The following FEZ1 variants were observed in gnomAD, a reference collection of about 807,000 sequenced individuals.
The protein encoded by FEZ1 is fasciculation and elongation protein zeta-1.
FEZ1 carries 20 observed loss-of-function variants against 49.3 expected under a neutral mutation model. The ratio of observed to expected loss-of-function variants is 0.41; its 90% CI spans 0.29 to 0.59. FEZ1 has a LOEUF of 0.59. Ranked by LOEUF, FEZ1 falls within the 20% of genes least tolerant of loss-of-function variation. The pLI is 0.36. For missense variants in FEZ1, 413 were observed against 476.0 expected (o/e 0.87, Z 1.23); for synonymous variants, 170 against 180.9 (o/e 0.94, Z 0.48).
rs1159347656 is a variant in FEZ1, at chr11:125,487,986, C to A, written c.311+1481G>T. 3.3e-5 allele frequency among the ~76,000 whole-genome samples: 5 copies of A among 152,252 alleles called. No homozygotes were observed. The South Asian group carries it at 1.0e-3, about 32-fold the overall frequency. On this transcript the variant is annotated intron_variant, in intron 2 of 9. Coordinates refer to ENST00000278919, the MANE Select transcript of FEZ1 (RefSeq NM_005103.5). Reference sequence around the variant, plus strand: ...GTGGGCCATTCTTCCCACTCAAATCCACAAAAAGGGAAACAAAAGCACAGG... The same window carrying A: ...GTGGGCCATTCTTCCCACTCAAATCAACAAAAAGGGAAACAAAAGCACAGG...
chr11:125,491,161 T>G lies in FEZ1; in HGVS notation c.-45-1339A>C, dbSNP rs908987848. Among the ~76,000 whole-genome samples the G allele has an allele frequency of 2.0e-5, 3 of 152,202 alleles. No homozygotes were observed. The East Asian group carries it at 5.8e-4, about 29-fold the overall frequency. ...TAAGAAACAGACCCAACTACCCATG[T>G]GCTCCAAAGCCATACTCCATAACCA... On this transcript the variant is annotated intron_variant, in intron 1 of 9. Transcript: ENST00000278919.
chr11:125,451,555 T>A lies in FEZ1; in HGVS notation c.1096+779A>T, dbSNP rs1166651955. ...TGGGCGGGGCCTCGTTAGCTGTCAC[T>A]CTCTGCAGGGCACGGTTGCCAAGGA... On this transcript the variant is annotated intron_variant, in intron 8 of 9. Coordinates refer to ENST00000278919, the MANE Select transcript of FEZ1 (RefSeq NM_005103.5). The A allele has an allele frequency of 1.2e-4, 18 of 152,166 alleles. 1 individual carries two copies. Among genetic ancestry groups the A allele is most frequent in the Admixed American group, 1.2e-3 (18 of 15,264 alleles). 9.4% of individuals were successfully genotyped at this position (152,166 alleles called of 1,614,324 possible).
chr11:125,464,278 T>C (rs1957104371), intron 3 of FEZ1, among the ~76,000 whole-genome samples: 1 of 152,216 alleles, frequency 6.6e-6, no homozygotes, highest in African/African-American at 2.4e-5. Flanking sequence ...ATTCTAGATG[T>C]TTAAATCTAA....
chr11:125,445,877 G>A lies in FEZ1; in HGVS notation c.*218C>T, dbSNP rs1956893817. The A allele has an allele frequency of 3.3e-6, 2 of 599,060 alleles. No homozygotes were observed. The highest frequency in any genetic ancestry group is 1.8e-5 in the African/African-American group (1 of 55,290). 37.1% of individuals were successfully genotyped at this position (599,060 alleles called of 1,614,324 possible). A position where few individuals can be genotyped will look rare whatever the true frequency, so the allele number is the denominator to read the frequency against. On this transcript the variant is annotated 3_prime_UTR_variant, in exon 10 of 10. Coordinates refer to ENST00000278919, the MANE Select transcript of FEZ1 (RefSeq NM_005103.5). This position sits in a 1 kb window ranked among gnomAD's most constrained non-coding sequence, Gnocchi z 4.4. ...TTCCCCTCTCCTGACACCAGCAAGG[G>A]GGAGGCACCATCACCGGCCCTGCCC...
chr11:125,455,445 C>T, intron 6 of FEZ1: 1 of 215,532 alleles, frequency 4.6e-6, no homozygotes, highest in East Asian at 1.2e-4. Context: ...CACTGAAACA[C>T]CTTAGCACGC....
chr11:125,446,829 CACT>C (rs1956903674), intron 9 of FEZ1, among the ~76,000 whole-genome samples: 1 of 150,796 alleles, frequency 6.6e-6, no homozygotes. Flanking sequence ...AGGCGCGCAC[CACT>C]ACACCTGGCT....
chr11:125,465,147 G>C (rs1295552766), intron 3 of FEZ1, among the ~76,000 whole-genome samples: 2 of 152,168 alleles, frequency 1.3e-5, no homozygotes, highest in Non-Finnish European at 2.9e-5. Context: ...CTCATCCTGG[G>C]AAACAGGGTT....
At chr11:125,492,100 A>C (rs1416830151) in intron 1 of FEZ1, among the ~76,000 whole-genome samples, 1 of 152,222 alleles carries the variant, frequency 6.6e-6, no homozygotes, top group Non-Finnish European at 1.5e-5. Flanking sequence ...TGTAATCCAC[A>C]AAAAAACTAA....
At chr11:125,481,217 A>ATT (rs199824552) in intron 3 of FEZ1, among the ~76,000 whole-genome samples, 1 of 149,602 alleles carries the variant, frequency 6.7e-6, no homozygotes, top group African/African-American at 2.5e-5. Flanking sequence ...CCCAACAATA[A>ATT]TTTTTTTTTT....
chr11:125,464,940 ACTC>A (rs769832642), intron 3 of FEZ1, among the ~76,000 whole-genome samples: 33 of 151,956 alleles, frequency 2.2e-4, no homozygotes, highest in Non-Finnish European at 1.8e-4. Flanking sequence ...GCAGAACAAA[ACTC>A]CTGGAGCTAC....
intron 1 of FEZ1, among the ~76,000 whole-genome samples, chr11:125,493,674 T>G (rs962503549): frequency 1.3e-5 from 2 of 152,216 alleles, no homozygotes; most frequent in African/African-American, 4.8e-5. Flanking sequence ...AGCATCTTTT[T>G]TACTAAGGCT....
At chr11:125,448,456 C>T in intron 9 of FEZ1, 46 bp downstream of exon 9, 1 of 1,300,514 alleles carries the variant, frequency 7.7e-7, no homozygotes, top group Non-Finnish European at 1.1e-6. Flanking sequence ...GGAGCAGGAG[C>T]TCCAGAGAAC....
rs117390927 is a variant in FEZ1, at chr11:125,472,232, G to A, written c.412-8662C>T. Among the ~76,000 whole-genome samples the A allele has an allele frequency of 9.1e-3, 1,385 of 151,994 alleles. 11 individuals are homozygous for A. Among genetic ancestry groups the A allele is most frequent in the Non-Finnish European group, 0.014 (964 of 67,892 alleles). ...TAAACTCCTACTAAGTAGAAGGAAG[G>A]AAGTAATAAAGCTAAGAGAGGGAAT... On this transcript the variant is annotated intron_variant, in intron 3 of 9. Coordinates refer to ENST00000278919, the MANE Select transcript of FEZ1 (RefSeq NM_005103.5).
intron 1 of FEZ1, among the ~76,000 whole-genome samples, chr11:125,494,924 A>G (rs1211194127): frequency 6.6e-6 from 1 of 151,966 alleles, no homozygotes; most frequent in Non-Finnish European, 1.5e-5. Flanking sequence ...CCTTCTTCCC[A>G]TCACTTGGTC....
chr11:125,493,682 G>T (rs553725942), intron 1 of FEZ1, among the ~76,000 whole-genome samples: 3 of 152,244 alleles, frequency 2.0e-5, no homozygotes, highest in South Asian at 2.1e-4. Context: ...TTTTACTAAG[G>T]CTTCTTTTTT....
At chr11:125,454,250 G>A (rs1374735605) in intron 6 of FEZ1, 40 bp from the exon 7 acceptor site, 3 of 1,523,382 alleles carry the variant, frequency 2.0e-6, no homozygotes, top group East Asian at 2.3e-5. Flanking sequence ...AATGCTTCTT[G>A]CTACACTGTC....
At chr11:125,475,546 A>G (rs757563599) in intron 3 of FEZ1, among the ~76,000 whole-genome samples, 4 of 152,128 alleles carry the variant, frequency 2.6e-5, no homozygotes, top group South Asian at 2.1e-4. Flanking sequence ...GAACAAATGG[A>G]CACACGGAAG....
chr11:125,483,819 C>T (rs1283464450), intron 2 of FEZ1, among the ~76,000 whole-genome samples: 1 of 152,226 alleles, frequency 6.6e-6, no homozygotes, highest in African/African-American at 2.4e-5. Flanking sequence ...GAGCTACACA[C>T]TTTCCAATGA....
intron 8 of FEZ1, 140 bp from the exon 9 acceptor site, chr11:125,448,707 T>TAGAA: frequency 1.6e-6 from 1 of 632,888 alleles, no homozygotes; most frequent in Non-Finnish European, 2.8e-6. Flanking sequence ...AGCAAAAGTC[T>TAGAA]AGAAGGCTCT....
Sources: allele counts gnomAD v4.1 joint callset (sites outside exome capture counted in the v4.1 genomes callset), GRCh38; gene constraint gnomAD v4.1.1; non-coding constraint Gnocchi (gnomAD v3.1); transcripts MANE v1.5; gene names NCBI Gene and HGNC (gene_info 2026-07-23, HGNC 2026-07-21).